Variants in VPS53 observed in about 807,000 individuals in gnomAD.
VPS53 encodes VPS53 subunit of GARP complex, also known as vacuolar protein sorting-associated protein 53 homolog.
A neutral mutation model predicts 107.0 loss-of-function variants in VPS53; 70 were observed. The ratio of observed to expected loss-of-function variants is 0.65; its 90% CI spans 0.54 to 0.80. The LOEUF (loss-of-function observed/expected upper bound fraction) is 0.80. Ranked by LOEUF, VPS53 falls within the 30% of genes least tolerant of loss-of-function variation. VPS53 has a pLI of 0.00. For missense variants in VPS53, 917 were observed against 1,049.4 expected, an observed-to-expected ratio of 0.87 and a Z score of 1.74; for synonymous variants, 409 against 393.3, an observed-to-expected ratio of 1.04 and a Z score of -0.47.
rs181073638 is a variant in VPS53 at position 654,501 on chromosome 17, G to A, written c.489-1091C>T. ...AGCCTGTAATCCCAGCACTTTGGGA[G>A]GCCGAGGCGGGCAGATCACAAGGTC... On this transcript the variant is annotated intron_variant, in intron 6 of 21. Coordinates refer to ENST00000437048, the MANE Select transcript of VPS53 (RefSeq NM_001128159.3). Among the ~76,000 whole-genome samples, 735 of 152,166 alleles carry A rather than the reference G, an allele frequency of 4.8e-3. 6 individuals are homozygous for A. The highest frequency in any genetic ancestry group is 0.017 in the African/African-American group (701 of 41,526).
chr17:569,615 G>A (rs892437650), intron 13 of VPS53, among the ~76,000 whole-genome samples: 4 of 152,126 alleles, frequency 2.6e-5, no homozygotes, highest in African/African-American at 9.7e-5. Context: ...AAGAAATGAT[G>A]TAGCTAGAAA....
intron 13 of VPS53, among the ~76,000 whole-genome samples, chr17:569,089 A>G (rs1422526583): frequency 6.6e-6 from 1 of 152,212 alleles, no homozygotes; most frequent in Non-Finnish European, 1.5e-5. Context: ...CAGGGCTGGG[A>G]TACAAAAGTA....
chr17:669,592 TAA>T (rs200157618), intron 4 of VPS53, among the ~76,000 whole-genome samples: 2 of 110,244 alleles, frequency 1.8e-5, no homozygotes, highest in South Asian at 3.5e-4. Context: ...TACTCTGTCT[TAA>T]AAAAAAAAAA....
intron 4 of VPS53, among the ~76,000 whole-genome samples, chr17:668,194 G>A (rs1380883874): frequency 1.3e-5 from 2 of 152,094 alleles, no homozygotes; most frequent in Non-Finnish European, 2.9e-5. Flanking sequence ...GTTTACCGGG[G>A]ACACGCTGCG....
At chr17:674,531 G>C (rs575216856) in intron 4 of VPS53, 1 of 152,202 alleles carries the variant, frequency 6.6e-6, no homozygotes, top group South Asian at 2.1e-4. Flanking sequence ...CTCTCTTTAG[G>C]GCCTCACTGG....
chr17:593,993 G>C (rs1236979583), intron 12 of VPS53, among the ~76,000 whole-genome samples: 1 of 152,226 alleles, frequency 6.6e-6, no homozygotes, highest in Non-Finnish European at 1.5e-5. Flanking sequence ...AAAATGATGA[G>C]TTCGCGTCCT....
At chr17:653,138 C>A in intron 7 of VPS53, 153 bp downstream of exon 7, 1 of 985,332 alleles carries the variant, frequency 1.0e-6, no homozygotes, top group Non-Finnish European at 1.2e-6. Flanking sequence ...CTGTGGAATC[C>A]CCATATACTT....
At chr17:574,873 G>A (rs1914469400) in intron 13 of VPS53, among the ~76,000 whole-genome samples, 1 of 152,206 alleles carries the variant, frequency 6.6e-6, no homozygotes, top group South Asian at 2.1e-4. Context: ...GTCATCCAGG[G>A]GGGTTCCTCA....
Position 648,276 on chromosome 17 carries a change from G to A in VPS53, c.608+5015C>T, listed in dbSNP as rs566589510. ...CAAAAATAAAAATAAGGCCGGGCAC[G>A]GTGGCTCACACCTGTCATCCCAGCA... is the stretch of plus-strand genomic sequence containing the variant. On this transcript the variant is annotated intron_variant, in intron 7 of 21. Coordinates refer to ENST00000437048, the MANE Select transcript of VPS53 (RefSeq NM_001128159.3). Among the ~76,000 whole-genome samples the A allele has an allele frequency of 5.9e-5, 9 of 152,318 alleles. No homozygotes were observed. In the South Asian group the frequency reaches 1.2e-3, roughly 21 times the overall value.
intron 8 of VPS53, among the ~76,000 whole-genome samples, chr17:629,447 A>C (rs975800665): frequency 6.6e-6 from 1 of 152,226 alleles, no homozygotes; most frequent in Admixed American, 6.5e-5. Context: ...GCCTTTAAGA[A>C]AAGCCCATAG....
intron 19 of VPS53, among the ~76,000 whole-genome samples, chr17:531,531 G>A (rs1909543546): frequency 6.6e-6 from 1 of 151,828 alleles, no homozygotes; most frequent in African/African-American, 2.4e-5. Flanking sequence ...GGCAGATGGT[G>A]TCTTACTCTG....
intron 13 of VPS53, among the ~76,000 whole-genome samples, chr17:582,973 A>G (rs570435716): frequency 8.7e-5 from 13 of 149,932 alleles, no homozygotes; most frequent in South Asian, 4.3e-4. Context: ...ATGCGTTCCT[A>G]GAGAACTTCC....
At chr17:534,027 A>G (rs966684238) in intron 18 of VPS53, among the ~76,000 whole-genome samples, 8 of 151,980 alleles carry the variant, frequency 5.3e-5, no homozygotes, top group Non-Finnish European at 1.2e-4. Flanking sequence ...TTTAGTAGAG[A>G]TAGGGTTTCA....
intron 7 of VPS53, among the ~76,000 whole-genome samples, chr17:638,147 T>C (rs1970272396): frequency 6.6e-6 from 1 of 152,222 alleles, no homozygotes; most frequent in Non-Finnish European, 1.5e-5. Context: ...TCTTGTTGAA[T>C]TGATCCCTTT....
chr17:618,317 A>G (rs1354714556), intron 11 of VPS53, among the ~76,000 whole-genome samples: 1 of 94,808 alleles, frequency 1.1e-5, no homozygotes, highest in African/African-American at 3.4e-5. Flanking sequence ...CGCCCCACTA[A>G]TATTTCCTGG....
intron 13 of VPS53, among the ~76,000 whole-genome samples, chr17:584,917 A>G (rs1967232409): frequency 6.6e-6 from 1 of 152,218 alleles, no homozygotes; most frequent in Non-Finnish European, 1.5e-5. Context: ...AATAGGGGAG[A>G]GGGAAAATTC....
chr17:699,354 C>G lies in VPS53; in HGVS notation c.195G>C (p.Val65=). The G allele has an allele frequency of 6.3e-7, 1 of 1,576,306 alleles. No homozygotes were observed. The highest frequency in any genetic ancestry group is 1.7e-4 in the Middle Eastern group (1 of 5,988). ...ACCTTATTTTCAGCCTAATTTTGTT[C>G]ACGACTTCGTCTATGTTCGCCAGAG... is the stretch of plus-strand genomic sequence containing the variant. ...EQSLANIDEV[V]NKIRLKIRRL... is the part of the protein sequence containing the mutation. Residue 65 remains valine, a synonymous_variant, in exon 3 of 22, where the codon GTG becomes GTC. Transcript: ENST00000437048.
chr17:577,299 G>T (rs747304710), intron 13 of VPS53, among the ~76,000 whole-genome samples: 2 of 146,416 alleles, frequency 1.4e-5, no homozygotes, highest in Middle Eastern at 8.6e-3. Flanking sequence ...GAACCACAAT[G>T]CATTCCTAGA....
intron 2 of VPS53, among the ~76,000 whole-genome samples, chr17:705,138 G>C (rs1463551692): frequency 6.6e-6 from 1 of 152,130 alleles, no homozygotes; most frequent in Non-Finnish European, 1.5e-5. Context: ...TGGATGACCT[G>C]AGTATGTTCA....
Sources: gnomAD v4.1 joint callset for allele counts (sites outside exome capture counted in the v4.1 genomes callset) on GRCh38, gnomAD v4.1.1 for gene constraint, MANE v1.5 for transcripts, NCBI Gene and HGNC (gene_info 2026-07-23, HGNC 2026-07-21) for gene names.